CNTN4: variants seen among roughly 807,000 people sequenced by gnomAD.
The protein encoded by CNTN4 is contactin-4.
In CNTN4, 77 loss-of-function variants were observed where a neutral mutation model predicts 122.5. That is an observed-to-expected ratio of 0.63 (90% CI 0.52 to 0.76). The LOEUF (loss-of-function observed/expected upper bound fraction) is 0.76, where lower values mean the gene tolerates loss of function less well. CNTN4 is among the 30% of genes least tolerant of loss of function. The pLI is 0.00. For synonymous variants in CNTN4, 512 were observed against 447.0 expected (o/e 1.15, Z -1.83); for missense variants, 1,256 against 1,259.1 (o/e 1.00, Z 0.04).
chr3:2,635,800 T>TA (rs1355895272), intron 4 of CNTN4, among the ~76,000 whole-genome samples: 3 of 152,158 alleles, frequency 2.0e-5, no homozygotes, highest in Non-Finnish European at 4.4e-5. Context: ...TTGAGAAAGT[T>TA]ACGTTTGTTG....
Position 2,849,986 on chromosome 3 carries a change from C to CTTTTTTTTTTTTTTTTTTTTTTTT in CNTN4, c.455-16758_455-16757insTTTTTTTTTTTTTTTTTTTTTTTT, listed in dbSNP as rs746657018. The stretch of plus-strand genomic sequence containing the variant: ...CCATTTTGGAAAATGTTAGCAATCA[C>CTTTTTTTTTTTTTTTTTTTTTTTT]TTTTTTTTCTTTTTTTTTTCTGAGA... On this transcript the variant is annotated intron_variant, in intron 7 of 24. Coordinates refer to ENST00000418658, the MANE Select transcript of CNTN4 (RefSeq NM_175607.3). Among the ~76,000 whole-genome samples, 4 of 140,698 alleles carry CTTTTTTTTTTTTTTTTTTTTTTTT rather than the reference C, an allele frequency of 2.8e-5. 1 individual carries two copies. The allele number at this position is 140,698 out of a possible 152,430, so 92.3% of individuals were successfully genotyped here.
chr3:2,811,325 TTAA>T (rs2092602715), intron 6 of CNTN4, among the ~76,000 whole-genome samples: 2 of 150,670 alleles, frequency 1.3e-5, no homozygotes, highest in African/African-American at 4.9e-5. Context: ...GGAGAATCAC[TTAA>T]ACCCAAGAGG....
chr3:2,152,483 C>T (rs1222659920), intron 2 of CNTN4, among the ~76,000 whole-genome samples: 1 of 152,108 alleles, frequency 6.6e-6, no homozygotes, highest in Admixed American at 6.5e-5. Context: ...AGCCATGAGC[C>T]ACACTCTGGT....
chr3:2,546,376 T>C (rs2078246766), intron 3 of CNTN4, among the ~76,000 whole-genome samples: 1 of 150,898 alleles, frequency 6.6e-6, no homozygotes, highest in African/African-American at 2.4e-5. Context: ...TGGATGGAGC[T>C]GGAGGCCATC....
chr3:2,951,064 C>A (rs1303456532), intron 13 of CNTN4, among the ~76,000 whole-genome samples: 1 of 152,056 alleles, frequency 6.6e-6, no homozygotes, highest in Non-Finnish European at 1.5e-5. Flanking sequence ...ATAATGGTAA[C>A]CATCTTAGAA....
intron 3 of CNTN4, among the ~76,000 whole-genome samples, chr3:2,472,153 CA>C (rs570896250): frequency 0.092 from 8,334 of 90,956 alleles, 258 homozygotes; most frequent in Non-Finnish European, 0.12. Flanking sequence ...AATTCCATCT[CA>C]AAAAAAAAAA....
intron 13 of CNTN4, among the ~76,000 whole-genome samples, chr3:2,982,958 G>A (rs761537833): frequency 6.6e-6 from 1 of 152,076 alleles, no homozygotes; most frequent in Non-Finnish European, 1.5e-5. Context: ...GCTCACGCCT[G>A]TAATCCCAGC....
chr3:2,644,995 T>A (rs927291516), intron 4 of CNTN4, among the ~76,000 whole-genome samples: 4 of 151,280 alleles, frequency 2.6e-5, no homozygotes, highest in African/African-American at 9.7e-5. Flanking sequence ...AGAAAAAAAA[T>A]TTAAAGATGG....
chr3:2,572,010 C>T (rs1368397877), intron 4 of CNTN4, among the ~76,000 whole-genome samples: 3 of 152,158 alleles, frequency 2.0e-5, no homozygotes, highest in African/African-American at 7.2e-5. Flanking sequence ...TTTCAATGTA[C>T]TACAGTTTAG....
Position 2,369,569 on chromosome 3 carries a change from T to C in CNTN4, c.-89+30336T>C, listed in dbSNP as rs532864774. ...CAAATGTTCCTAATTTTAGGGAGAA[T>C]AGGATGCCCCCCATCACACATAATG... On this transcript the variant is annotated intron_variant, in intron 3 of 24. Coordinates refer to ENST00000418658, the MANE Select transcript of CNTN4 (RefSeq NM_175607.3). Among the ~76,000 whole-genome samples, 22 of 152,266 alleles carry C rather than the reference T, an allele frequency of 1.4e-4. No individual in the cohort carries two copies. In the South Asian group the frequency reaches 4.3e-3, roughly 30 times the overall value.
intron 4 of CNTN4, among the ~76,000 whole-genome samples, chr3:2,712,886 T>C (rs563395276): frequency 3.9e-5 from 6 of 152,296 alleles, no homozygotes; most frequent in African/African-American, 1.4e-4. Context: ...GCTGAACCCA[T>C]GGAGGATCCT....
At chr3:2,626,897 A>G (rs1408862565) in intron 4 of CNTN4, among the ~76,000 whole-genome samples, 1 of 152,190 alleles carries the variant, frequency 6.6e-6, no homozygotes, top group Admixed American at 6.5e-5. Flanking sequence ...TTACCACATC[A>G]CAGGGATGCC....
At chr3:2,771,526 A>G (rs2091099086) in intron 6 of CNTN4, among the ~76,000 whole-genome samples, 1 of 152,178 alleles carries the variant, frequency 6.6e-6, no homozygotes, top group South Asian at 2.1e-4. Flanking sequence ...TCTCAGTTTC[A>G]TTCTCTGTAT....
At position 2,850,012 on chromosome 3, in the gene CNTN4, C is replaced by T. The variant is rs893332817; in HGVS notation, c.455-16740C>T. ...TTTTTTTTCTTTTTTTTTTCTGAGA[C>T]GGAGTCTTGCTCTGTGGCCCAGACT... On this transcript the variant is annotated intron_variant, in intron 7 of 24. Coordinates refer to ENST00000418658, the MANE Select transcript of CNTN4 (RefSeq NM_175607.3). 6.5e-5 allele frequency among the ~76,000 whole-genome samples: 9 copies of T among 139,310 alleles called. No homozygotes were observed. The South Asian group carries it at 9.3e-4, about 14-fold the overall frequency. The allele number at this position is 139,310 out of a possible 152,430, so 91.4% of individuals were successfully genotyped here. A position where few individuals can be genotyped will look rare whatever the true frequency, so the allele number is the denominator to read the frequency against.
intron 3 of CNTN4, among the ~76,000 whole-genome samples, chr3:2,481,079 C>CTCTT (rs1464508330): frequency 4.3e-4 from 23 of 53,532 alleles, no homozygotes; most frequent in Admixed American, 1.5e-3. Flanking sequence ...CTCTCTTTCT[C>CTCTT]TCTTTCTCTC....
intron 3 of CNTN4, among the ~76,000 whole-genome samples, chr3:2,374,113 A>G (rs1215555160): frequency 1.3e-5 from 2 of 152,162 alleles, no homozygotes; most frequent in African/African-American, 2.4e-5. Context: ...TTTGTAATGC[A>G]AGTGCTGATC....
chr3:2,411,742 T>G (rs59913092), intron 3 of CNTN4, among the ~76,000 whole-genome samples: 5 of 152,230 alleles, frequency 3.3e-5, no homozygotes, highest in Non-Finnish European at 7.3e-5. Flanking sequence ...ATTCTTTGTG[T>G]CTTACTATGT....
chr3:2,983,976 TCTTACCTCTCTTA>T (rs1278709030), intron 13 of CNTN4, among the ~76,000 whole-genome samples: 4 of 152,174 alleles, frequency 2.6e-5, no homozygotes, highest in African/African-American at 9.7e-5. Context: ...ACAGTTAGGG[TCTTACCTCTCTTA>T]CTTACCTCTT....
intron 2 of CNTN4, among the ~76,000 whole-genome samples, chr3:2,211,507 A>G (rs912828541): frequency 3.3e-5 from 5 of 152,168 alleles, no homozygotes; most frequent in Admixed American, 1.3e-4. Context: ...ATCAATAGAA[A>G]ACTATGTGTA....
Sources: allele counts gnomAD v4.1 joint callset (sites outside exome capture counted in the v4.1 genomes callset), GRCh38; gene constraint gnomAD v4.1.1; transcripts MANE v1.5; gene names NCBI Gene and HGNC (gene_info 2026-07-23, HGNC 2026-07-21).